The following ZFP62 variants were observed in gnomAD, a reference collection of about 807,000 sequenced individuals.
The protein encoded by ZFP62 is zinc finger protein 62 homolog.
A neutral mutation model predicts 56.4 loss-of-function variants in ZFP62; 44 were observed. The ratio of observed to expected loss-of-function variants is 0.78; its 90% CI spans 0.61 to 1.00. The LOEUF is 1.00. Among genes scored for constraint, ZFP62 ranks in the 50% least tolerant of loss-of-function variants. The pLI is 0.00. For synonymous variants in ZFP62, 421 were observed against 388.9 expected, an observed-to-expected ratio of 1.08 and a Z score of -0.97; for missense variants, 1,030 against 1,085.7, an observed-to-expected ratio of 0.95 and a Z score of 0.72.
At chr5:180,839,888 G>C in the ZFP62 span, among the ~76,000 whole-genome samples, 2 of 152,172 alleles carry the variant, frequency 1.3e-5, no homozygotes, top group Non-Finnish European at 2.9e-5. Flanking sequence ...TGCTGAATTT[G>C]TTTTTTCTCT....
At chr5:180,830,136 T>C in the ZFP62 span, 1 of 152,068 alleles carries the variant, frequency 6.6e-6, no homozygotes, top group Admixed American at 6.6e-5. Flanking sequence ...GTGGTCCTGG[T>C]AGTCAGCCTC....
rs1172493920 is a variant in ZFP62, at chr5:180,848,141, CA to C, written c.*650del. 1 of 985,256 alleles carries C rather than the reference CA, an allele frequency of 1.0e-6. No homozygotes were observed. Among genetic ancestry groups the C allele is most frequent in the African/African-American group, 1.7e-5 (1 of 57,186 alleles). 61.0% of individuals were successfully genotyped at this position (985,256 alleles called of 1,614,324 possible). A position where few individuals can be genotyped will look rare whatever the true frequency, so the allele number is the denominator to read the frequency against. ...TCACAATAGTACGTTCATCAATTTG[CA>C]TTTTTTATGAGTGACTCTCTCCTAT... On this transcript the variant is annotated 3_prime_UTR_variant, in exon 2 of 2. Transcript: ENST00000502412.
chr5:180,839,438 AAGG>A, the ZFP62 span, among the ~76,000 whole-genome samples: 2 of 152,224 alleles, frequency 1.3e-5, no homozygotes, highest in Admixed American at 6.5e-5. Context: ...AGCCATAAAA[AAGG>A]AGATCACATC....
At chr5:180,856,560 C>T (rs1392517206) in intron 1 of ZFP62, among the ~76,000 whole-genome samples, 4 of 152,184 alleles carry the variant, frequency 2.6e-5, no homozygotes, top group Admixed American at 2.0e-4. Context: ...TTCCAGGCCC[C>T]GGGCTATTCC....
chr5:180,858,448 CA>C (rs1186130965), intron 1 of ZFP62, among the ~76,000 whole-genome samples: 1 of 151,782 alleles, frequency 6.6e-6, no homozygotes, highest in Non-Finnish European at 1.5e-5. Context: ...ACTAAAAATA[CA>C]AAAATTAGCC....
At chr5:180,843,481 G>A (rs185416496), downstream of ZFP62, among the ~76,000 whole-genome samples, 14 of 152,082 alleles carry the variant, frequency 9.2e-5, no homozygotes, top group African/African-American at 1.2e-4. Context: ...TACAGAAAGC[G>A]TGAAAGTAAA....
chr5:180,840,362 GTCAA>G, the ZFP62 span, among the ~76,000 whole-genome samples: 1 of 152,226 alleles, frequency 6.6e-6, no homozygotes, highest in African/African-American at 2.4e-5. Context: ...CCCACTGGAT[GTCAA>G]TCAGCCAGTT....
Position 180,849,365 on chromosome 5 carries a change from A to G in ZFP62, c.2130T>C (p.Phe710=). ...PHTCDECGKA[F]FSSRTLISHK... ...GGCTTATAAGAGTTCTGCTTGAGAA[A>G]AAAGCTTTTCCACATTCATCACATG... Residue 710 remains phenylalanine (F), a synonymous_variant, in exon 2 of 2, where the codon TTT becomes TTC. Coordinates refer to ENST00000502412, the MANE Select transcript of ZFP62 (RefSeq NM_001172638.2). 2 of 1,551,484 alleles carry G rather than the reference A, an allele frequency of 1.3e-6. No homozygotes were observed. Among genetic ancestry groups the G allele is most frequent in the Non-Finnish European group, 1.7e-6 (2 of 1,146,958 alleles).
downstream of ZFP62, among the ~76,000 whole-genome samples, chr5:180,843,773 G>A (rs969904282): frequency 2.6e-5 from 4 of 152,154 alleles, no homozygotes; most frequent in Admixed American, 2.0e-4. Context: ...CAATCTAATG[G>A]CTTTATGTAG....
chr5:180,858,681 A>C (rs1360640043), intron 1 of ZFP62, among the ~76,000 whole-genome samples: 1 of 152,144 alleles, frequency 6.6e-6, no homozygotes, highest in Non-Finnish European at 1.5e-5. Flanking sequence ...TGAGTCCTGG[A>C]GTTCCAGGAG....
At chr5:180,847,071 C>T (rs1256285095), downstream of ZFP62, among the ~76,000 whole-genome samples, 1 of 152,158 alleles carries the variant, frequency 6.6e-6, no homozygotes, top group Non-Finnish European at 1.5e-5. Context: ...CTAGAAAGAG[C>T]ATGGAAACTA....
At chr5:180,839,596 ACT>A in the ZFP62 span, among the ~76,000 whole-genome samples, 1 of 152,206 alleles carries the variant, frequency 6.6e-6, no homozygotes. Flanking sequence ...AAAAACAGAC[ACT>A]GAGGCCTACT....
At position 180,848,958 on chromosome 5, in the gene ZFP62, C is replaced by T. The variant is rs1309568375; in HGVS notation, c.2537G>A (p.Gly846Asp). The stretch of plus-strand genomic sequence containing the variant: ...ATTTGATCTGATATTAAAAGCCTTA[C>T]CACACTCATTACATCGGTATGGCTT... ...GKKPYRCNEC[G>D]KAFNIRSNLT... Residue 846 changes from glycine to aspartate, a missense_variant, in exon 2 of 2, where the codon GGT becomes GAT. By Grantham distance (94) the Gly-to-Asp change is moderately conservative (BLOSUM62 -1). Transcript: ENST00000502412. 2 of 1,551,850 alleles carry T rather than the reference C, an allele frequency of 1.3e-6. No individual in the cohort carries two copies. Among genetic ancestry groups the T allele is most frequent in the Admixed American group, 3.9e-5 (2 of 50,998 alleles).
the ZFP62 span, among the ~76,000 whole-genome samples, chr5:180,838,951 G>A: frequency 8.5e-5 from 13 of 152,256 alleles, no homozygotes; most frequent in East Asian, 2.1e-3. Context: ...ATACAGGAGA[G>A]AAAAATGTAT....
chr5:180,830,683 T>G, the ZFP62 span: 1 of 152,128 alleles, frequency 6.6e-6, no homozygotes, highest in African/African-American at 2.4e-5. Context: ...TTTACTCGGG[T>G]GGCTGGGCGA....
chr5:180,851,076 A>G lies in ZFP62; in HGVS notation c.419T>C (p.Leu140Ser). 7.1e-6 allele frequency: 11 copies of G among 1,551,730 alleles called. No homozygotes were observed. Among genetic ancestry groups the G allele is most frequent in the Non-Finnish European group, 9.6e-6 (11 of 1,146,992 alleles). ...LQQKTNAVKK[L>S]HKCDECGKSF... The stretch of plus-strand genomic sequence containing the variant: ...TTTCCCACATTCATCACATTTATGT[A>G]ATTTCTTAACAGCATTGGTTTTCTG... Residue 140 changes from leucine (L) to serine (S), a missense_variant, in exon 2 of 2, where the codon TTA (leucine) becomes TCA (serine). Leu to Ser is a moderately radical substitution (Grantham distance 145). Transcript: ENST00000502412.
At chr5:180,860,688 C>A (rs1426517775) in intron 1 of ZFP62, 2 of 14,388 alleles carry the variant, frequency 1.4e-4, no homozygotes, top group Non-Finnish European at 3.4e-4. Context: ...CACTCACCGA[C>A]CAAAAAAAAA....
chr5:180,854,254 C>T (rs912162319), intron 1 of ZFP62, among the ~76,000 whole-genome samples: 7 of 152,230 alleles, frequency 4.6e-5, no homozygotes, highest in South Asian at 2.1e-4. Context: ...GGTAGGGACA[C>T]GCTGCAAGAC....
At chr5:180,860,864 C>T (rs369996566) in intron 1 of ZFP62, among the ~76,000 whole-genome samples, 5 of 152,100 alleles carry the variant, frequency 3.3e-5, no homozygotes, top group Non-Finnish European at 7.4e-5. Context: ...TTTTAGGGAT[C>T]CCCTCCCATC....
Sources: gnomAD v4.1 joint callset for allele counts (sites outside exome capture counted in the v4.1 genomes callset) on GRCh38, gnomAD v4.1.1 for gene constraint, MANE v1.5 for transcripts, NCBI Gene and HGNC (gene_info 2026-07-23, HGNC 2026-07-21) for gene names.